Variants in NTRK3 observed in about 807,000 individuals in gnomAD.
The protein encoded by NTRK3 is neurotrophic receptor tyrosine kinase 3.
Under a neutral mutation model 91.7 loss-of-function variants are expected in NTRK3, and 24 were observed. The ratio of observed to expected loss-of-function variants is 0.26; its 90% confidence interval spans 0.19 to 0.37. The LOEUF (loss-of-function observed/expected upper bound fraction) is 0.37. NTRK3 is among the 10% of genes least tolerant of loss of function. The pLI is 1.00. For missense variants in NTRK3, 880 were observed against 1,068.9 expected, an observed-to-expected ratio of 0.82 and a Z score of 2.46; for synonymous variants, 483 against 404.0, an observed-to-expected ratio of 1.20 and a Z score of -2.34.
chr15:88,170,728 A>G (rs2045430381), intron 5 of NTRK3, among the ~76,000 whole-genome samples: 1 of 152,156 alleles, frequency 6.6e-6, no homozygotes, highest in Non-Finnish European at 1.5e-5. Flanking sequence ...CAGGGTCCCA[A>G]CAGGCCCACT....
chr15:87,870,158 A>G (rs1158677247), exon 19 of NTRK3: 2 of 183,432 alleles, frequency 1.1e-5, no homozygotes, highest in Non-Finnish European at 2.3e-5. Context: ...CCATCAATCA[A>G]TGAGCAGATA....
chr15:88,012,744 G>A (rs903302446), intron 14 of NTRK3, among the ~76,000 whole-genome samples: 3 of 151,942 alleles, frequency 2.0e-5, no homozygotes, highest in African/African-American at 4.8e-5. Context: ...ATTTTTGATC[G>A]GGGGAAAAAG....
At chr15:88,189,418 C>CTTTTT (rs10588011) in intron 3 of NTRK3, among the ~76,000 whole-genome samples, 2 of 147,052 alleles carry the variant, frequency 1.4e-5, no homozygotes, top group African/African-American at 2.5e-5. Context: ...ATTGCAATTC[C>CTTTTT]TTTTTTTTTT....
chr15:88,217,657 G>C (rs911951076), intron 3 of NTRK3, among the ~76,000 whole-genome samples: 6 of 152,204 alleles, frequency 3.9e-5, no homozygotes, highest in African/African-American at 1.4e-4. Flanking sequence ...AAGATGAAAA[G>C]AGTTTGGGAG....
At chr15:87,933,146 G>A in exon 16 of NTRK3, 1 of 1,614,122 alleles carries the variant, frequency 6.2e-7, no homozygotes, top group Non-Finnish European at 8.5e-7. Flanking sequence ...CCTCCCTCTG[G>A]AAATCCTTCC....
chr15:88,050,562 C>G (rs750006108), intron 13 of NTRK3, among the ~76,000 whole-genome samples: 7 of 146,480 alleles, frequency 4.8e-5, no homozygotes, highest in Admixed American at 2.0e-4. Context: ...GTAGTATACA[C>G]ACACTCACAC....
intron 13 of NTRK3, among the ~76,000 whole-genome samples, chr15:88,103,917 T>C (rs1393172939): frequency 1.3e-5 from 2 of 152,218 alleles, no homozygotes; most frequent in East Asian, 3.9e-4. Flanking sequence ...TTCCATGGGA[T>C]GCCAATGGAC....
chr15:87,989,790 A>G (rs2075145061), intron 14 of NTRK3, among the ~76,000 whole-genome samples: 1 of 151,892 alleles, frequency 6.6e-6, no homozygotes, highest in South Asian at 2.1e-4. Flanking sequence ...TATTTTTAGT[A>G]GAGATGTGGT....
chr15:87,933,268 C>A (rs2068964408), intron 15 of NTRK3, 84 bp from the exon 16 acceptor site: 1 of 1,329,662 alleles, frequency 7.5e-7, no homozygotes, highest in East Asian at 2.3e-5. Context: ...ACTGGCCCCA[C>A]ACACCACTGG....
intron 5 of NTRK3, among the ~76,000 whole-genome samples, chr15:88,151,037 C>T (rs2043327954): frequency 6.6e-6 from 1 of 152,132 alleles, no homozygotes; most frequent in Non-Finnish European, 1.5e-5. Context: ...CTGAGCCCCA[C>T]GGCAGCCTTT....
rs1303083772 is a variant in NTRK3, at chr15:88,197,167, ACATGGAAGGAC to A, written c.249-12879_249-12869del. Among the ~76,000 whole-genome samples, 24 of 149,590 alleles carry A rather than the reference ACATGGAAGGAC, an allele frequency of 1.6e-4. No individual in the cohort carries two copies. In the Admixed American group the frequency reaches 1.6e-3, roughly 10 times the overall value. ...TAGTGATGTCTGCCCTGGGCACAGT[ACATGGAAGGAC>A]CATGAAAGTATCATCCATTGACCAC... On this transcript the variant is annotated intron_variant, in intron 3 of 18. Transcript: ENST00000394480.
intron 17 of NTRK3, among the ~76,000 whole-genome samples, chr15:87,904,337 T>C (rs2066630814): frequency 6.6e-6 from 1 of 151,520 alleles, no homozygotes; most frequent in South Asian, 2.1e-4. Context: ...TATTTTATTT[T>C]AGTAGAGACG....
chr15:88,113,316 T>C (rs1021794778), intron 13 of NTRK3, among the ~76,000 whole-genome samples: 1 of 87,850 alleles, frequency 1.1e-5, no homozygotes, highest in Admixed American at 1.2e-4. Context: ...AATTTCTTTT[T>C]TTTTTTTTTT....
At chr15:88,183,633 C>G in intron 4 of NTRK3, 144 bp from the exon 5 acceptor site, 1 of 815,742 alleles carries the variant, frequency 1.2e-6, no homozygotes, top group Non-Finnish European at 2.1e-6. Flanking sequence ...CCAGTTATCA[C>G]AGGTGGCCTG....
intron 14 of NTRK3, among the ~76,000 whole-genome samples, chr15:87,959,011 C>G (rs2071973578): frequency 1.5e-5 from 2 of 133,852 alleles, no homozygotes; most frequent in South Asian, 5.6e-4. Context: ...CCCCCGCATT[C>G]CCTCTCCACT....
chr15:87,971,319 A>G (rs1290418297), intron 14 of NTRK3, among the ~76,000 whole-genome samples: 2 of 152,198 alleles, frequency 1.3e-5, no homozygotes, highest in East Asian at 1.9e-4. Flanking sequence ...ACCAGAGAGC[A>G]TCACAGATCC....
chr15:88,191,978 G>A (rs1008705014), intron 3 of NTRK3, among the ~76,000 whole-genome samples: 12 of 152,218 alleles, frequency 7.9e-5, no homozygotes, highest in African/African-American at 1.9e-4. Flanking sequence ...ATGCCAGCAC[G>A]TTAGCACACA....
intron 15 of NTRK3, among the ~76,000 whole-genome samples, chr15:87,935,652 G>A (rs2069210366): frequency 6.6e-6 from 1 of 151,948 alleles, no homozygotes; most frequent in Admixed American, 6.6e-5. Flanking sequence ...CTGGATTTAT[G>A]AGAGGGAAAA....
At chr15:88,205,054 C>T (rs1211430344) in intron 3 of NTRK3, among the ~76,000 whole-genome samples, 1 of 152,198 alleles carries the variant, frequency 6.6e-6, no homozygotes, top group South Asian at 2.1e-4. Flanking sequence ...AATCAGCATT[C>T]TCAGGAGTGC....
Sources: gnomAD v4.1 joint callset for allele counts (sites outside exome capture counted in the v4.1 genomes callset) on GRCh38, gnomAD v4.1.1 for gene constraint, MANE v1.5 for transcripts, NCBI Gene and HGNC (gene_info 2026-07-23, HGNC 2026-07-21) for gene names.